Variants in RBM20 observed in about 807,000 individuals in gnomAD.
RBM20 encodes RNA binding motif protein 20.
RBM20 carries 51 observed loss-of-function variants against 110.1 expected under a neutral mutation model. That is an observed-to-expected ratio of 0.46 (90% CI 0.37 to 0.59). The LOEUF (loss-of-function observed/expected upper bound fraction) is 0.59, where lower values mean the gene tolerates loss of function less well. RBM20 is among the 20% of genes least tolerant of loss of function. RBM20 has a pLI of 0.00. For missense variants in RBM20, 1,512 were observed against 1,574.9 expected (o/e 0.96, Z 0.68); for synonymous variants, 589 against 618.2 (o/e 0.95, Z 0.70).
chr10:110,798,755 A>G (rs906754378), intron 6 of RBM20, among the ~76,000 whole-genome samples: 2 of 152,230 alleles, frequency 1.3e-5, no homozygotes, highest in Non-Finnish European at 2.9e-5. Context: ...ATTTAGTTTA[A>G]GGAAATGAGA....
At chr10:110,756,202 A>G (rs1204228469) in intron 1 of RBM20, among the ~76,000 whole-genome samples, 1 of 152,242 alleles carries the variant, frequency 6.6e-6, no homozygotes, top group Admixed American at 6.5e-5. Context: ...AGTGTTAAGA[A>G]TGAATTCTTG....
chr10:110,834,677 T>C (rs1845099862), intron 13 of RBM20, among the ~76,000 whole-genome samples: 1 of 152,248 alleles, frequency 6.6e-6, no homozygotes, highest in Non-Finnish European at 1.5e-5. Context: ...CAGAGATATT[T>C]GATAACTCGC....
rs138233368 is a variant in RBM20 at position 110,717,782 on chromosome 10, C to G, written c.192-63019C>G. Among the ~76,000 whole-genome samples, 589 of 152,302 alleles carry G rather than the reference C, an allele frequency of 3.9e-3. 4 individuals are homozygous for G. Among genetic ancestry groups the G allele is most frequent in the African/African-American group, 0.013 (551 of 41,566 alleles). On this transcript the variant is annotated intron_variant, in intron 1 of 13. Coordinates refer to ENST00000369519, the MANE Select transcript of RBM20 (RefSeq NM_001134363.3). ...TCCACCTCACATGGTCCTACTGTGGCTATCAGTCATGGAATCACAAAGGGA... is the reference window on the plus strand; with the variant it reads ...TCCACCTCACATGGTCCTACTGTGGGTATCAGTCATGGAATCACAAAGGGA...
intron 1 of RBM20, among the ~76,000 whole-genome samples, chr10:110,677,029 A>G (rs946400640): frequency 2.6e-5 from 4 of 152,194 alleles, no homozygotes; most frequent in African/African-American, 9.7e-5. Flanking sequence ...TAAAGAAACC[A>G]AAATTTATTT....
chr10:110,714,304 G>A (rs962590375), intron 1 of RBM20, among the ~76,000 whole-genome samples: 1 of 152,198 alleles, frequency 6.6e-6, no homozygotes, highest in Non-Finnish European at 1.5e-5. Flanking sequence ...TCAATGAAAA[G>A]GTTGTGTAAA....
chr10:110,733,073 C>G (rs768745307), intron 1 of RBM20, among the ~76,000 whole-genome samples: 25 of 152,198 alleles, frequency 1.6e-4, no homozygotes, highest in Non-Finnish European at 2.2e-4. Flanking sequence ...CTTTCTGTCT[C>G]TGTCTCAGCA....
At chr10:110,665,733 T>C (rs1199730774) in intron 1 of RBM20, among the ~76,000 whole-genome samples, 3 of 152,200 alleles carry the variant, frequency 2.0e-5, no homozygotes, top group African/African-American at 7.2e-5. Context: ...TATTTATTCA[T>C]GTATTATTTA....
chr10:110,674,080 A>G (rs1862298686), intron 1 of RBM20, among the ~76,000 whole-genome samples: 2 of 152,154 alleles, frequency 1.3e-5, no homozygotes, highest in South Asian at 4.1e-4. Context: ...TGCTGCCTGA[A>G]GAGAGACGAT....
chr10:110,814,780 C>T (rs548988752), intron 9 of RBM20, among the ~76,000 whole-genome samples: 3 of 152,272 alleles, frequency 2.0e-5, no homozygotes, highest in South Asian at 2.1e-4. Flanking sequence ...AGGCGTGAGC[C>T]GCCGTGCCCT....
At chr10:110,643,366 C>T (rs542536000), upstream of RBM20, among the ~76,000 whole-genome samples, 8 of 152,252 alleles carry the variant, frequency 5.3e-5, no homozygotes, top group African/African-American at 1.7e-4. Flanking sequence ...CGCGCCAGGG[C>T]ATTAAGCCGA....
intron 1 of RBM20, among the ~76,000 whole-genome samples, chr10:110,747,031 G>A (rs1023609781): frequency 6.6e-6 from 1 of 152,152 alleles, no homozygotes; most frequent in African/African-American, 2.4e-5. Flanking sequence ...CTGCAGTCTA[G>A]TCCATTGTAT....
At chr10:110,808,118 C>G (rs1257477346) in intron 7 of RBM20, among the ~76,000 whole-genome samples, 3 of 152,232 alleles carry the variant, frequency 2.0e-5, no homozygotes, top group Non-Finnish European at 2.9e-5. Context: ...TTGTGTGGCC[C>G]AAGGTGGGCA....
chr10:110,780,212 A>G (rs186106531), intron 1 of RBM20, among the ~76,000 whole-genome samples: 70 of 152,268 alleles, frequency 4.6e-4, no homozygotes, highest in African/African-American at 1.5e-3. Flanking sequence ...GTTACTTAAT[A>G]TTTTATTATG....
At chr10:110,683,737 C>G (rs1590615063) in intron 1 of RBM20, among the ~76,000 whole-genome samples, 1 of 152,158 alleles carries the variant, frequency 6.6e-6, no homozygotes, top group South Asian at 2.1e-4. Context: ...TTTTAAAAAA[C>G]AAAATGAATA....
intron 1 of RBM20, among the ~76,000 whole-genome samples, chr10:110,662,350 A>C (rs1862115918): frequency 6.6e-6 from 1 of 152,226 alleles, no homozygotes; most frequent in Admixed American, 6.5e-5. Context: ...TCACTAGGGG[A>C]GACAGAGATT....
At chr10:110,688,091 T>G (rs1258444646) in intron 1 of RBM20, among the ~76,000 whole-genome samples, 1 of 151,918 alleles carries the variant, frequency 6.6e-6, no homozygotes, top group Admixed American at 6.6e-5. Flanking sequence ...TTGATAATTT[T>G]TAGAAATTTG....
intron 1 of RBM20, chr10:110,756,313 A>T (rs889854173): frequency 2.0e-5 from 3 of 152,214 alleles, no homozygotes; most frequent in African/African-American, 7.2e-5. Context: ...GAAAACACTT[A>T]ATGGACTTCT....
intron 1 of RBM20, among the ~76,000 whole-genome samples, chr10:110,677,035 T>A (rs1862348829): frequency 6.6e-6 from 1 of 152,202 alleles, no homozygotes; most frequent in African/African-American, 2.4e-5. Context: ...AACCAAAATT[T>A]ATTTATTATA....
chr10:110,672,798 A>T (rs1347548241), intron 1 of RBM20, among the ~76,000 whole-genome samples: 1 of 152,264 alleles, frequency 6.6e-6, no homozygotes, highest in African/African-American at 2.4e-5. Context: ...TACTTAGTAT[A>T]GAGCAGTAGA....
Sources: allele counts gnomAD v4.1 joint callset (sites outside exome capture counted in the v4.1 genomes callset), GRCh38; gene constraint gnomAD v4.1.1; transcripts MANE v1.5; gene names NCBI Gene and HGNC (gene_info 2026-07-23, HGNC 2026-07-21).